Variants in PLCB1 observed in about 807,000 individuals in gnomAD.
The protein encoded by PLCB1 is phospholipase C beta 1.
PLCB1 carries 46 observed loss-of-function variants against 161.8 expected under a neutral mutation model. The observed-to-expected ratio is 0.28, with a 90% CI of 0.22 to 0.36. The LOEUF (loss-of-function observed/expected upper bound fraction) is 0.36, where lower values mean the gene tolerates loss of function less well. Ranked by LOEUF, PLCB1 falls within the 10% of genes least tolerant of loss-of-function variation. PLCB1 has a pLI of 1.00. For missense variants in PLCB1, 1,016 were observed against 1,472.5 expected, an observed-to-expected ratio of 0.69 and a Z score of 5.07; for synonymous variants, 517 against 503.7, an observed-to-expected ratio of 1.03 and a Z score of -0.35.
chr20:8,761,037 AG>A (rs1338635945), intron 25 of PLCB1, among the ~76,000 whole-genome samples: 2 of 152,342 alleles, frequency 1.3e-5, no homozygotes, highest in East Asian at 3.9e-4. Context: ...ACCACTGGTA[AG>A]GGCCAAATCT....
chr20:8,135,881 G>A (rs1469388016), intron 1 of PLCB1, among the ~76,000 whole-genome samples: 2 of 152,206 alleles, frequency 1.3e-5, no homozygotes, highest in East Asian at 3.9e-4. Context: ...GAGGTAGACA[G>A]TGGAAGGAGA....
intron 3 of PLCB1, among the ~76,000 whole-genome samples, chr20:8,562,093 G>A (rs1986159585): frequency 6.6e-6 from 1 of 152,026 alleles, no homozygotes; most frequent in South Asian, 2.1e-4. Context: ...CTTAGCCAAA[G>A]TCTTTCAGAG....
intron 3 of PLCB1, among the ~76,000 whole-genome samples, chr20:8,421,069 C>T (rs708914): frequency 0.45 from 68,928 of 151,958 alleles, 15,780 homozygotes; most frequent in South Asian, 0.51. Context: ...AGACATAGGC[C>T]TCAGATTTCC....
intron 3 of PLCB1, among the ~76,000 whole-genome samples, chr20:8,547,179 CT>C: frequency 1.4e-5 from 1 of 73,488 alleles, no homozygotes; most frequent in Non-Finnish European, 3.9e-5. Context: ...TTTCTTCAGG[CT>C]ACTAAGCATC....
intron 2 of PLCB1, among the ~76,000 whole-genome samples, chr20:8,340,234 T>A (rs1341370165): frequency 6.6e-6 from 1 of 152,156 alleles, no homozygotes; most frequent in Non-Finnish European, 1.5e-5. Context: ...CTGAGACAAT[T>A]GTAATGAAAC....
intron 3 of PLCB1, among the ~76,000 whole-genome samples, chr20:8,596,958 C>T (rs1358963658): frequency 6.6e-6 from 1 of 152,258 alleles, no homozygotes; most frequent in East Asian, 1.9e-4. Context: ...ATTTTGTATC[C>T]TGAGACTTTG....
intron 2 of PLCB1, among the ~76,000 whole-genome samples, chr20:8,235,348 C>T (rs1980264729): frequency 6.6e-6 from 1 of 151,766 alleles, no homozygotes; most frequent in Non-Finnish European, 1.5e-5. Context: ...ATAAAAATAC[C>T]ACATAATAGA....
intron 2 of PLCB1, among the ~76,000 whole-genome samples, chr20:8,178,401 A>T (rs2051804976): frequency 6.6e-6 from 1 of 152,110 alleles, no homozygotes; most frequent in South Asian, 2.1e-4. Context: ...GATTAGTGAC[A>T]TTCATCATTT....
At chr20:8,750,671 A>G (rs1043139722) in intron 23 of PLCB1, 1 of 376,818 alleles carries the variant, frequency 2.7e-6, no homozygotes, top group South Asian at 2.1e-5. Flanking sequence ...AATATGAGGC[A>G]GATACATTAT....
At chr20:8,702,530 T>C (rs1412813367) in intron 11 of PLCB1, among the ~76,000 whole-genome samples, 3 of 152,236 alleles carry the variant, frequency 2.0e-5, no homozygotes, top group Non-Finnish European at 2.9e-5. Context: ...TAATTTAGGA[T>C]GCAGTTTCAC....
intron 3 of PLCB1, among the ~76,000 whole-genome samples, chr20:8,387,777 C>T (rs928324546): frequency 2.6e-5 from 4 of 151,838 alleles, no homozygotes; most frequent in Non-Finnish European, 5.9e-5. Context: ...TAGAAAGTTG[C>T]ATGGTGGTTG....
chr20:8,441,180 A>G (rs956162783), intron 3 of PLCB1, among the ~76,000 whole-genome samples: 1 of 152,240 alleles, frequency 6.6e-6, no homozygotes, highest in African/African-American at 2.4e-5. Context: ...GTTTCTAACC[A>G]GTAATATTCC....
chr20:8,678,559 G>C (rs1263453384), intron 9 of PLCB1, among the ~76,000 whole-genome samples: 4 of 152,216 alleles, frequency 2.6e-5, no homozygotes, highest in African/African-American at 2.4e-5. Flanking sequence ...AAATTTAGCA[G>C]ATAACCCTTG....
intron 31 of PLCB1, among the ~76,000 whole-genome samples, chr20:8,867,619 C>G (rs574937361): frequency 5.9e-5 from 9 of 152,276 alleles, no homozygotes; most frequent in Non-Finnish European, 1.0e-4. Context: ...TAGCCTCTCT[C>G]GAATAGGCTG....
intron 5 of PLCB1, 76 bp downstream of exon 5, chr20:8,646,257 GT>G: frequency 1.0e-6 from 1 of 974,206 alleles, no homozygotes; most frequent in Non-Finnish European, 1.7e-6. Context: ...TGAGTCTTCC[GT>G]TTATGCCATA....
rs547091563 is a variant in PLCB1, at chr20:8,449,719, A to G, written c.246+78269A>G. On this transcript the variant is annotated intron_variant, in intron 3 of 31. Transcript: ENST00000338037. ...ACTCATTCCTGCGTTCTTCTAATAC[A>G]TCTTCCTTCCCTATCTCATTGTCTA... Among the ~76,000 whole-genome samples the G allele has an allele frequency of 3.9e-5, 6 of 152,266 alleles. No homozygotes were observed. The East Asian group carries it at 5.8e-4, about 15-fold the overall frequency.
At chr20:8,628,194 C>T (rs1400518810) in intron 3 of PLCB1, 100 bp from the exon 4 acceptor site, 3 of 957,474 alleles carry the variant, frequency 3.1e-6, no homozygotes, top group African/African-American at 3.3e-5. Flanking sequence ...ATAAAAGCAA[C>T]TTTGTTTTGA....
At chr20:8,578,401 C>T (rs1986739079) in intron 3 of PLCB1, among the ~76,000 whole-genome samples, 1 of 151,962 alleles carries the variant, frequency 6.6e-6, no homozygotes. Context: ...GCTGTTGACT[C>T]ATAAAAATGA....
At chr20:8,773,101 T>C (rs1261922946) in intron 26 of PLCB1, among the ~76,000 whole-genome samples, 1 of 152,198 alleles carries the variant, frequency 6.6e-6, no homozygotes, top group Non-Finnish European at 1.5e-5. Flanking sequence ...CATCCCTTAT[T>C]TGACAAAATC....
Sources: allele counts gnomAD v4.1 joint callset (sites outside exome capture counted in the v4.1 genomes callset), GRCh38; gene constraint gnomAD v4.1.1; transcripts MANE v1.5; gene names NCBI Gene and HGNC (gene_info 2026-07-23, HGNC 2026-07-21).